The following ASTN1 variants were observed in gnomAD, a reference collection of about 807,000 sequenced individuals.
ASTN1 encodes astrotactin 1, also known as astrotactin-1.
A neutral mutation model predicts 140.7 loss-of-function variants in ASTN1; 41 were observed. The ratio of observed to expected loss-of-function variants is 0.29; its 90% CI spans 0.23 to 0.38. The LOEUF is 0.38. Ranked by LOEUF, ASTN1 falls within the 10% of genes least tolerant of loss-of-function variation. ASTN1 has a pLI of 1.00. For synonymous variants in ASTN1, 640 were observed against 652.2 expected, an observed-to-expected ratio of 0.98 and a Z score of 0.29; for missense variants, 1,479 against 1,678.8, an observed-to-expected ratio of 0.88 and a Z score of 2.08.
intron 1 of ASTN1, among the ~76,000 whole-genome samples, chr1:177,149,293 G>GTAAATATATATATAC (rs1682889144): frequency 1.3e-5 from 1 of 74,170 alleles, no homozygotes; most frequent in African/African-American, 6.6e-5. Flanking sequence ...TATATATATA[G>GTAAATATATATATAC]TATATATATA....
In ASTN1 at chr1:176,888,088, C is replaced by T. The variant is rs147209871; in HGVS notation, c.3057G>A (p.Ala1019=). The change falls in exon 18 of 23, where the codon GCG becomes GCA. Residue 1019 remains alanine (A), a synonymous_variant. Coordinates refer to ENST00000361833, the MANE Select transcript of ASTN1 (RefSeq NM_004319.3). Reference sequence around the variant, plus strand: ...AACCATACACAGGCTGTGGGAGAGGCGCACAGGTGGGGAGTCCATCAGCTC... The same window carrying T: ...AACCATACACAGGCTGTGGGAGAGGTGCACAGGTGGGGAGTCCATCAGCTC... ...AFGADGLPTC[A]PLPQPVLRLS... 1.0e-4 allele frequency: 162 copies of T among 1,614,094 alleles called. No individual in the cohort carries two copies. Among genetic ancestry groups the T allele is most frequent in the African/African-American group, 1.0e-3 (75 of 75,036 alleles).
At chr1:176,977,195 G>C (rs1218201513) in intron 8 of ASTN1, among the ~76,000 whole-genome samples, 2 of 152,218 alleles carry the variant, frequency 1.3e-5, no homozygotes, top group Admixed American at 6.5e-5. Context: ...ATTTAGTATA[G>C]AGCTTTTATC....
chr1:176,885,512 C>T (rs1175396884), intron 18 of ASTN1, among the ~76,000 whole-genome samples: 1 of 152,172 alleles, frequency 6.6e-6, no homozygotes, highest in Non-Finnish European at 1.5e-5. Flanking sequence ...CTGCTCACTC[C>T]AGCCTCCCTC....
chr1:177,115,410 A>G (rs1223235762), intron 1 of ASTN1, among the ~76,000 whole-genome samples: 1 of 152,142 alleles, frequency 6.6e-6, no homozygotes, highest in African/African-American at 2.4e-5. Flanking sequence ...GATGGCTCAC[A>G]CCTATAATCC....
At chr1:176,882,817 C>T (rs1221317938) in intron 20 of ASTN1, 42 bp downstream of exon 20, 1 of 1,611,572 alleles carries the variant, frequency 6.2e-7, no homozygotes, top group Non-Finnish European at 8.5e-7. Context: ...AGCCTTGGGA[C>T]TGTCAGGGTA....
intron 20 of ASTN1, among the ~76,000 whole-genome samples, chr1:176,880,817 G>A (rs887460337): frequency 6.6e-6 from 1 of 152,132 alleles, no homozygotes; most frequent in African/African-American, 2.4e-5. Flanking sequence ...GCAACTAGCT[G>A]TGTGATTCTG....
At chr1:177,126,809 T>A (rs1176611650) in intron 1 of ASTN1, among the ~76,000 whole-genome samples, 1 of 152,052 alleles carries the variant, frequency 6.6e-6, no homozygotes, top group Non-Finnish European at 1.5e-5. Flanking sequence ...GCAACATAAT[T>A]TAGTGCATGC....
At chr1:176,938,376 T>TA (rs1392706942) in intron 14 of ASTN1, among the ~76,000 whole-genome samples, 1 of 152,096 alleles carries the variant, frequency 6.6e-6, no homozygotes, top group South Asian at 2.1e-4. Context: ...AGTTTATTTA[T>TA]AAAAAAATAA....
chr1:177,091,038 G>A (rs1679724570), intron 1 of ASTN1, among the ~76,000 whole-genome samples: 1 of 152,018 alleles, frequency 6.6e-6, no homozygotes, highest in African/African-American at 2.4e-5. Flanking sequence ...GATGAGGCTG[G>A]TGAAAGGGGA....
At chr1:177,161,053 T>G (rs943362386) in intron 1 of ASTN1, among the ~76,000 whole-genome samples, 2 of 152,158 alleles carry the variant, frequency 1.3e-5, no homozygotes, top group Non-Finnish European at 2.9e-5. Flanking sequence ...TGAATCACAA[T>G]TTGCAAACCC....
At chr1:176,921,292 C>A (rs973913548) in intron 16 of ASTN1, among the ~76,000 whole-genome samples, 2 of 152,154 alleles carry the variant, frequency 1.3e-5, no homozygotes, top group African/African-American at 4.8e-5. Flanking sequence ...TTCAGGGAAA[C>A]CTTGTCTCTG....
intron 21 of ASTN1, 118 bp from the exon 22 acceptor site, chr1:176,869,145 C>T (rs1291722695): frequency 4.7e-6 from 3 of 643,970 alleles, no homozygotes; most frequent in Admixed American, 3.9e-5. Flanking sequence ...ATATGTAGAT[C>T]ATTTATAATG....
chr1:176,951,559 T>C (rs1672191882), intron 11 of ASTN1, among the ~76,000 whole-genome samples: 1 of 152,214 alleles, frequency 6.6e-6, no homozygotes, highest in African/African-American at 2.4e-5. Flanking sequence ...CCTCAGTCAC[T>C]AGCCAGTAGT....
At chr1:176,888,402 G>A (rs1443533431) in intron 17 of ASTN1, among the ~76,000 whole-genome samples, 198 bp from the exon 18 acceptor site, 1 of 152,140 alleles carries the variant, frequency 6.6e-6, no homozygotes, top group Non-Finnish European at 1.5e-5. Context: ...AACCTCTAGG[G>A]TGTCCATCTC....
At chr1:177,113,987 A>G (rs1680952343) in intron 1 of ASTN1, among the ~76,000 whole-genome samples, 1 of 152,196 alleles carries the variant, frequency 6.6e-6, no homozygotes, top group Non-Finnish European at 1.5e-5. Flanking sequence ...ACTGAGCTTC[A>G]AAGGATGAAA....
At chr1:176,945,873 G>A (rs1259613945) in intron 13 of ASTN1, 53 bp downstream of exon 13, 1 of 1,514,262 alleles carries the variant, frequency 6.6e-7, no homozygotes, top group Admixed American at 1.9e-5. Context: ...AAACTCTTTA[G>A]AGAAAGTCCA....
rs557135256 is a variant in ASTN1 at position 176,969,484 on chromosome 1, A to G, written c.1524-4247T>C. 1.5e-3 allele frequency among the ~76,000 whole-genome samples: 223 copies of G among 152,180 alleles called. 1 individual carries two copies. The highest frequency in any genetic ancestry group is 5.2e-3 in the African/African-American group (216 of 41,532). On this transcript the variant is annotated intron_variant, in intron 8 of 22. Coordinates refer to ENST00000361833, the MANE Select transcript of ASTN1 (RefSeq NM_004319.3). Reference sequence around the variant, plus strand: ...AGCAGAGGCTTCTAAAGAGACAGCAACTCCTATCTGGTTTTCTGGGCTGGA... The same window carrying G: ...AGCAGAGGCTTCTAAAGAGACAGCAGCTCCTATCTGGTTTTCTGGGCTGGA...
intron 21 of ASTN1, among the ~76,000 whole-genome samples, chr1:176,875,335 G>A (rs970989778): frequency 2.0e-5 from 3 of 152,080 alleles, no homozygotes; most frequent in Admixed American, 6.6e-5. Context: ...AGTGGGCTGG[G>A]GCCACTCCAT....
intron 1 of ASTN1, among the ~76,000 whole-genome samples, chr1:177,097,564 T>G (rs1034788365): frequency 6.6e-6 from 1 of 152,210 alleles, no homozygotes; most frequent in African/African-American, 2.4e-5. Context: ...TTTATCTCTG[T>G]TCCTGGCATA....
Sources: gnomAD v4.1 joint callset for allele counts (sites outside exome capture counted in the v4.1 genomes callset) on GRCh38, gnomAD v4.1.1 for gene constraint, MANE v1.5 for transcripts, NCBI Gene and HGNC (gene_info 2026-07-23, HGNC 2026-07-21) for gene names.